Variants in NMNAT2 observed in about 807,000 individuals in gnomAD.
NMNAT2 encodes nicotinamide/nicotinic acid mononucleotide adenylyltransferase 2.
NMNAT2 carries 11 observed loss-of-function variants against 41.6 expected under a neutral mutation model. The ratio of observed to expected loss-of-function variants is 0.26; its 90% CI spans 0.17 to 0.44. NMNAT2 has a LOEUF of 0.44. NMNAT2 is among the 20% of genes least tolerant of loss of function. The pLI is 1.00. For synonymous variants in NMNAT2, 148 were observed against 151.2 expected, an observed-to-expected ratio of 0.98 and a Z score of 0.16; for missense variants, 288 against 407.7, an observed-to-expected ratio of 0.71 and a Z score of 2.53.
intron 1 of NMNAT2, among the ~76,000 whole-genome samples, chr1:183,327,335 C>T (rs754096303): frequency 5.9e-5 from 9 of 152,320 alleles, no homozygotes; most frequent in Non-Finnish European, 1.3e-4. Flanking sequence ...GGATTACAGG[C>T]ATGAGCCACT....
chr1:183,293,845 A>C, intron 1 of NMNAT2, 52 bp from the exon 2 acceptor site: 1 of 1,311,444 alleles, frequency 7.6e-7, no homozygotes, highest in Non-Finnish European at 1.1e-6. Flanking sequence ...CATGGATTAA[A>C]GGTGATAATT....
intron 10 of NMNAT2, among the ~76,000 whole-genome samples, chr1:183,253,090 GAC>G (rs1660432971): frequency 6.6e-6 from 1 of 152,018 alleles, no homozygotes; most frequent in Non-Finnish European, 1.5e-5. Context: ...AAGAGTGCCA[GAC>G]ACACAGTGGG....
intron 1 of NMNAT2, among the ~76,000 whole-genome samples, chr1:183,342,298 C>G (rs1384405214): frequency 6.6e-6 from 1 of 151,954 alleles, no homozygotes; most frequent in East Asian, 1.9e-4. Flanking sequence ...CAAGACCAGC[C>G]TAGGCAACAT....
chr1:183,262,041 T>A (rs1660672546), intron 8 of NMNAT2, among the ~76,000 whole-genome samples: 1 of 152,034 alleles, frequency 6.6e-6, no homozygotes, highest in African/African-American at 2.4e-5. Flanking sequence ...TCTTCCCACC[T>A]CAGCCTCCCA....
chr1:183,392,583 A>C (rs1648514220), intron 1 of NMNAT2, among the ~76,000 whole-genome samples: 2 of 152,192 alleles, frequency 1.3e-5, no homozygotes, highest in Admixed American at 1.3e-4. Flanking sequence ...ACAATGTTAC[A>C]TAAGGCCCTA....
intron 1 of NMNAT2, among the ~76,000 whole-genome samples, chr1:183,365,571 A>G (rs1340679618): frequency 6.6e-6 from 1 of 152,088 alleles, no homozygotes; most frequent in African/African-American, 2.4e-5. Flanking sequence ...AGCCTAGCCA[A>G]CATGATGAAA....
chr1:183,271,299 C>T (rs924818560), intron 8 of NMNAT2, among the ~76,000 whole-genome samples: 1 of 152,134 alleles, frequency 6.6e-6, no homozygotes, highest in African/African-American at 2.4e-5. Context: ...CCTATTTCAA[C>T]CAACCAGAAC....
chr1:183,402,956 A>G (rs1553222714), intron 1 of NMNAT2, among the ~76,000 whole-genome samples: 3 of 124,856 alleles, frequency 2.4e-5, no homozygotes, highest in Admixed American at 1.9e-4. Flanking sequence ...AAACAACATC[A>G]TATCTTTTTT....
At chr1:183,265,039 C>T (rs1445859292) in intron 8 of NMNAT2, among the ~76,000 whole-genome samples, 1 of 152,144 alleles carries the variant, frequency 6.6e-6, no homozygotes, top group African/African-American at 2.4e-5. Flanking sequence ...TAAAGGCTTC[C>T]AAATTAATGT....
At chr1:183,293,609 A>G (rs1661602402) in intron 2 of NMNAT2, 96 bp downstream of exon 2, 1 of 873,250 alleles carries the variant, frequency 1.1e-6, no homozygotes, top group South Asian at 1.4e-5. Context: ...GAATCTTAGC[A>G]GAGACAGAGC....
chr1:183,312,179 A>C (rs1017208459), intron 1 of NMNAT2, among the ~76,000 whole-genome samples: 20 of 152,286 alleles, frequency 1.3e-4, no homozygotes, highest in African/African-American at 4.6e-4. Flanking sequence ...ATTTATAAGC[A>C]TACTATGAAA....
intron 8 of NMNAT2, among the ~76,000 whole-genome samples, chr1:183,277,758 A>G (rs1661158622): frequency 1.3e-5 from 2 of 152,158 alleles, no homozygotes. Flanking sequence ...TGTAGATAAC[A>G]TTCTATAGAT....
intron 1 of NMNAT2, among the ~76,000 whole-genome samples, chr1:183,377,192 G>A (rs1459602877): frequency 2.0e-5 from 3 of 152,052 alleles, no homozygotes; most frequent in African/African-American, 7.2e-5. Context: ...CTTGTTGGGT[G>A]CAACATTATA....
Position 183,292,486 on chromosome 1 carries a change from A to C in NMNAT2, c.242+304T>G, listed in dbSNP as rs1661568826. Among the ~76,000 whole-genome samples the C allele has an allele frequency of 2.6e-5, 4 of 152,252 alleles. No individual in the cohort carries two copies. The South Asian group carries it at 8.3e-4, about 31-fold the overall frequency. ...GAGAGGCATTTCTGATTTTCTGGTC[A>C]TGCTTCACCCAAAACCCAGTGATAT... On this transcript the variant is annotated intron_variant, in intron 3 of 10. Coordinates refer to ENST00000287713, the MANE Select transcript of NMNAT2 (RefSeq NM_015039.4).
intron 1 of NMNAT2, among the ~76,000 whole-genome samples, chr1:183,341,725 C>CAAAAAAAAAAACAA (rs1662811194): frequency 9.0e-5 from 2 of 22,216 alleles, no homozygotes; most frequent in African/African-American, 3.2e-4. Context: ...AAACAAACAC[C>CAAAAAAAAAAACAA]AAAAAAAAAA....
rs1660354275 is a variant in NMNAT2 at position 183,250,782 on chromosome 1, CAG to C, written c.*1857_*1858del. 6.6e-6 allele frequency: 1 copy of C among 152,622 alleles called. No homozygotes were observed. Among genetic ancestry groups the C allele is most frequent in the Admixed American group, 6.5e-5 (1 of 15,270 alleles). 9.5% of individuals were successfully genotyped at this position (152,622 alleles called of 1,614,324 possible). ...ATTTCAAAAAATCCAAGAGGAATAA[CAG>C]ACTTTCTGGATGCTGCTCTACCATG... On this transcript the variant is annotated 3_prime_UTR_variant, in exon 11 of 11. Transcript: ENST00000287713.
At chr1:183,397,767 A>T (rs1048323849) in intron 1 of NMNAT2, among the ~76,000 whole-genome samples, 1 of 152,222 alleles carries the variant, frequency 6.6e-6, no homozygotes, top group African/African-American at 2.4e-5. Flanking sequence ...AACATTTTTA[A>T]AGAAAAGAAT....
intron 1 of NMNAT2, among the ~76,000 whole-genome samples, chr1:183,370,217 A>AACACACACAC (rs1169390842): frequency 8.5e-4 from 76 of 89,462 alleles, no homozygotes; most frequent in Non-Finnish European, 1.3e-3. Flanking sequence ...CACTACTATC[A>AACACACACAC]ACACATACAC....
At chr1:183,391,134 T>A (rs1188635418) in intron 1 of NMNAT2, among the ~76,000 whole-genome samples, 2 of 152,182 alleles carry the variant, frequency 1.3e-5, no homozygotes, top group African/African-American at 4.8e-5. Context: ...ACCACATCAC[T>A]TAGGCTCTGT....
Sources: gnomAD v4.1 joint callset for allele counts (sites outside exome capture counted in the v4.1 genomes callset) on GRCh38, gnomAD v4.1.1 for gene constraint, MANE v1.5 for transcripts, NCBI Gene and HGNC (gene_info 2026-07-23, HGNC 2026-07-21) for gene names.